TAF6: variants seen among roughly 807,000 people sequenced by gnomAD.
TAF6 encodes transcription initiation factor TFIID subunit 6.
Under a neutral mutation model 73.5 loss-of-function variants are expected in TAF6, and 50 were observed. The observed-to-expected ratio is 0.68, with a 90% confidence interval of 0.54 to 0.86. TAF6 has a LOEUF of 0.86. Ranked by LOEUF, TAF6 falls within the 40% of genes least tolerant of loss-of-function variation. The pLI is 0.00. For missense variants in TAF6, 768 were observed against 899.5 expected (o/e 0.85, Z 1.87); for synonymous variants, 424 against 376.7 (o/e 1.13, Z -1.45).
At chr7:100,115,926 G>A (rs1309550616) in intron 1 of TAF6, among the ~76,000 whole-genome samples, 1 of 151,888 alleles carries the variant, frequency 6.6e-6, no homozygotes, top group Non-Finnish European at 1.5e-5. Context: ...AGCCAAGATC[G>A]TGCCACTGGA....
chr7:100,108,170 G>C, intron 13 of TAF6, 47 bp from the exon 14 acceptor site: 1 of 1,547,374 alleles, frequency 6.5e-7, no homozygotes, highest in Non-Finnish European at 8.7e-7. Flanking sequence ...CTACTAAGAA[G>C]AGGAGTCTGA....
upstream of TAF6, chr7:100,119,910 T>C: frequency 6.6e-7 from 1 of 1,521,068 alleles, no homozygotes; most frequent in Admixed American, 2.0e-5. Flanking sequence ...CCACACCTCC[T>C]TCTTCTAGGC....
At chr7:100,119,551 A>G (rs1427636127), upstream of TAF6, 5 of 1,394,612 alleles carry the variant, frequency 3.6e-6, no homozygotes, top group Non-Finnish European at 4.8e-6. Context: ...CAGGACCTTC[A>G]AGAGGCGCCA....
At position 100,107,466 on chromosome 7, in the gene TAF6, T is replaced by C; in HGVS notation, c.1814A>G (p.Lys605Arg). The stretch of plus-strand genomic sequence containing the variant: ...TGGGGGAAGTGAGACCACGATGTAC[T>C]TCTGGACACTCCCAGGACCAGAGGG... ...TAPSGPGSVQ[K>R]YIVVSLPPTG... Residue 605 changes from lysine to arginine, a missense_variant, in exon 15 of 15, where the codon AAG becomes AGG. Coordinates refer to ENST00000453269, the MANE Select transcript of TAF6 (RefSeq NM_139315.3). 2 of 1,613,788 alleles carry C rather than the reference T, an allele frequency of 1.2e-6. No individual in the cohort carries two copies. Among genetic ancestry groups the C allele is most frequent in the Non-Finnish European group, 1.7e-6 (2 of 1,179,812 alleles).
At chr7:100,118,650 C>G (rs1452856631) in intron 1 of TAF6, 1 of 165,684 alleles carries the variant, frequency 6.0e-6, no homozygotes, top group African/African-American at 2.4e-5. Flanking sequence ...GACGGAAACC[C>G]TGTCTCAAAA....
rs35937697 is a variant in TAF6, at chr7:100,114,589, G to A, written c.-59-321C>T. ...ACAAAAATTAGCAGGGCGTGGTAGT[G>A]CACACCTGTAATCCCAGCTACTAGG... On this transcript the variant is annotated intron_variant, in intron 1 of 14. Coordinates refer to ENST00000453269, the MANE Select transcript of TAF6 (RefSeq NM_139315.3). 3,692 of 556,168 alleles carry A rather than the reference G, an allele frequency of 6.6e-3. 29 individuals carry two copies. Among genetic ancestry groups the A allele is most frequent in the Non-Finnish European group, 9.6e-3 (2,975 of 311,506 alleles). The allele number at this position is 556,168 out of a possible 1,614,324, so 34.5% of individuals were successfully genotyped here.
upstream of TAF6, chr7:100,124,409 G>A (rs1446997029): frequency 4.9e-6 from 4 of 821,874 alleles, no homozygotes; most frequent in Non-Finnish European, 8.1e-6. Flanking sequence ...TAGCTTCCTG[G>A]CTACCTGCCT....
chr7:100,122,638 G>A (rs1342042318), upstream of TAF6: 2 of 1,527,484 alleles, frequency 1.3e-6, no homozygotes, highest in African/African-American at 1.4e-5. Context: ...TATCCCCTGA[G>A]GCCCTCCAGA....
chr7:100,122,416 C>A (rs182207201), upstream of TAF6: 29 of 1,614,058 alleles, frequency 1.8e-5, no homozygotes, highest in Non-Finnish European at 2.3e-5. Context: ...CCCTTTCCAA[C>A]CCCCAACGGA....
chr7:100,112,983 G>C (rs1018997224), intron 5 of TAF6, 66 bp from the exon 6 acceptor site: 188 of 1,556,004 alleles, frequency 1.2e-4, no homozygotes, highest in Non-Finnish European at 1.6e-4. Context: ...GGTGGGAGGA[G>C]GCCGGATGCG....
chr7:100,125,809 C>G, the TAF6 span, among the ~76,000 whole-genome samples: 1 of 152,064 alleles, frequency 6.6e-6, no homozygotes, highest in Non-Finnish European at 1.5e-5. Context: ...TTTGGGAGGC[C>G]GAGGCAGGCG....
At chr7:100,121,714 A>C (rs1469409163), upstream of TAF6, among the ~76,000 whole-genome samples, 1 of 151,126 alleles carries the variant, frequency 6.6e-6, no homozygotes, top group African/African-American at 2.4e-5. Flanking sequence ...TGCTGGGATT[A>C]CAGGTGTGAG....
upstream of TAF6, chr7:100,124,583 C>T (rs1057024481): frequency 8.7e-6 from 14 of 1,613,060 alleles, no homozygotes; most frequent in Admixed American, 1.8e-4. Context: ...GGAGCAGCCC[C>T]TACAAAATTT....
the TAF6 span, chr7:100,127,165 C>A: frequency 7.4e-6 from 4 of 539,514 alleles, no homozygotes. This position sits in a 1 kb window ranked among gnomAD's most constrained non-coding sequence, Gnocchi z 4.6. Context: ...GGGCGGGGGC[C>A]GAGGACGCCG....
chr7:100,112,039 T>C (rs1797231455), intron 7 of TAF6, 40 bp from the exon 8 acceptor site: 1 of 1,613,778 alleles, frequency 6.2e-7, no homozygotes, highest in South Asian at 1.1e-5. Context: ...GGGTGGGATG[T>C]GGGGAGCAAT....
At chr7:100,114,020 C>T (rs761240505) in intron 2 of TAF6, 34 bp downstream of exon 2, 2 of 1,614,042 alleles carry the variant, frequency 1.2e-6, no homozygotes, top group Non-Finnish European at 1.7e-6. Context: ...GTGACATGGA[C>T]CCAATGTAGA....
At chr7:100,109,813 A>C in intron 12 of TAF6, 135 bp downstream of exon 12, 1 of 1,355,818 alleles carries the variant, frequency 7.4e-7, no homozygotes. Context: ...TCCATCTGTA[A>C]AATAGTATCA....
At chr7:100,118,235 C>T (rs1797843282) in intron 1 of TAF6, among the ~76,000 whole-genome samples, 1 of 151,542 alleles carries the variant, frequency 6.6e-6, no homozygotes, top group South Asian at 2.1e-4. Context: ...CGCCTGTAGT[C>T]CCAGCTATCT....
At chr7:100,120,028 T>TAGTG (rs1797983867), upstream of TAF6, 1 of 560,896 alleles carries the variant, frequency 1.8e-6, no homozygotes, top group East Asian at 3.3e-5. Context: ...AGCGAACGTG[T>TAGTG]AGTGCCACCT....
Sources: gnomAD v4.1 joint callset for allele counts (sites outside exome capture counted in the v4.1 genomes callset) on GRCh38, gnomAD v4.1.1 for gene constraint, Gnocchi (gnomAD v3.1) non-coding constraint, MANE v1.5 for transcripts, NCBI Gene and HGNC (gene_info 2026-07-23, HGNC 2026-07-21) for gene names.